The following ATG7 variants were observed in gnomAD, a reference collection of about 807,000 sequenced individuals.
ATG7 encodes the protein autophagy related 7.
Under a neutral mutation model 82.4 loss-of-function variants are expected in ATG7, and 70 were observed. That is an observed-to-expected ratio of 0.85 (90% CI 0.70 to 1.04). ATG7 has a LOEUF of 1.04. ATG7 is among the 50% of genes least tolerant of loss of function. The probability of loss-of-function intolerance (pLI) is 0.00; values close to 1 mark genes in which losing one functional copy is unlikely to be tolerated. For synonymous variants in ATG7, 287 were observed against 313.0 expected, an observed-to-expected ratio of 0.92 and a Z score of 0.88; for missense variants, 792 against 864.3, an observed-to-expected ratio of 0.92 and a Z score of 1.05.
chr3:11,332,959 G>A lies in ATG7; in HGVS notation c.768-13G>A, dbSNP rs780452112. 8.2e-6 allele frequency: 12 copies of A among 1,456,224 alleles called. No individual in the cohort carries two copies. Among genetic ancestry groups the A allele is most frequent in the Admixed American group, 8.1e-5 (3 of 36,936 alleles). The allele number at this position is 1,456,224 out of a possible 1,614,324, so 90.2% of individuals were successfully genotyped here. A position where few individuals can be genotyped will look rare whatever the true frequency, so the allele number is the denominator to read the frequency against. ...AAAATAATAAATAAATAAAAATCCG[G>A]GCATGACAACAGGAGTAGCAGTTTC... On this transcript the variant is annotated splice_polypyrimidine_tract_variant and intron_variant, in intron 10 of 20. Transcript: ENST00000693202.
At chr3:11,558,873 G>A, downstream of ATG7, 1 of 1,596,100 alleles carries the variant, frequency 6.3e-7, no homozygotes, top group Non-Finnish European at 8.6e-7. Flanking sequence ...GGTGGCTGCA[G>A]ACAGACAGGC....
chr3:11,441,807 C>T (rs1368037618), intron 20 of ATG7, among the ~76,000 whole-genome samples: 2 of 151,882 alleles, frequency 1.3e-5, no homozygotes, highest in Non-Finnish European at 2.9e-5. Flanking sequence ...TCTGGGACTA[C>T]AGGCGCCTGC....
intron 20 of ATG7, among the ~76,000 whole-genome samples, chr3:11,511,510 G>C (rs906317133): frequency 1.3e-5 from 2 of 152,230 alleles, no homozygotes; most frequent in African/African-American, 4.8e-5. Flanking sequence ...GTCCCCACCA[G>C]ACTCAGGAGC....
At chr3:11,391,966 G>GGGT (rs10662456) in intron 19 of ATG7, among the ~76,000 whole-genome samples, 4,200 of 138,450 alleles carry the variant, frequency 0.03, 193 homozygotes, top group African/African-American at 0.11. Context: ...ATTGGGGGGG[G>GGGT]GGTAATTTCA....
intron 20 of ATG7, among the ~76,000 whole-genome samples, chr3:11,533,742 A>G (rs1435728789): frequency 1.3e-5 from 2 of 152,176 alleles, no homozygotes; most frequent in East Asian, 3.8e-4. Context: ...GCCAAAATGT[A>G]GCCTTACATT....
Position 11,313,436 on chromosome 3 carries a change from C to A in ATG7, c.528+16C>A. On this transcript the variant is annotated intron_variant, in intron 8 of 20. Transcript: ENST00000693202. ...ACTAAAACAGGTATCAACAAATAACCAAAATGCACATAAAATTGGGTTGAA... is the reference window on the plus strand; with the variant it reads ...ACTAAAACAGGTATCAACAAATAACAAAAATGCACATAAAATTGGGTTGAA... 1 of 1,549,966 alleles carries A rather than the reference C, an allele frequency of 6.5e-7. No homozygotes were observed. Among genetic ancestry groups the A allele is most frequent in the Non-Finnish European group, 8.9e-7 (1 of 1,129,880 alleles).
intron 19 of ATG7, among the ~76,000 whole-genome samples, chr3:11,421,370 C>G (rs2081932398): frequency 6.6e-6 from 1 of 152,166 alleles, no homozygotes; most frequent in Non-Finnish European, 1.5e-5. Flanking sequence ...ACATGATGTT[C>G]TAAATCTTTA....
chr3:11,353,768 C>T lies in ATG7; in HGVS notation c.1285-4650C>T, dbSNP rs982572171. ...CACCTTTCACCATGAGTGGAAGCTT[C>T]CCTCATCAGAAGCAGATGCCAGCAC... On this transcript the variant is annotated intron_variant, in intron 14 of 20. Coordinates refer to ENST00000693202, the MANE Select transcript of ATG7 (RefSeq NM_001349232.2). 3.9e-5 allele frequency among the ~76,000 whole-genome samples: 6 copies of T among 152,204 alleles called. No individual in the cohort carries two copies. The South Asian group carries it at 6.2e-4, about 16-fold the overall frequency.
At chr3:11,401,038 C>T (rs2079789548) in intron 19 of ATG7, among the ~76,000 whole-genome samples, 1 of 152,138 alleles carries the variant, frequency 6.6e-6, no homozygotes, top group Admixed American at 6.5e-5. Flanking sequence ...ATGTTGTGCT[C>T]CTGTTTAGAT....
chr3:11,524,023 A>G (rs2124933257), intron 20 of ATG7, among the ~76,000 whole-genome samples: 1 of 152,376 alleles, frequency 6.6e-6, no homozygotes, highest in South Asian at 2.1e-4. Context: ...TTGAGTTGAA[A>G]GAACTGCTTT....
intron 20 of ATG7, among the ~76,000 whole-genome samples, chr3:11,469,988 CAAAAAAA>C (rs10628540): frequency 1.3e-3 from 110 of 87,530 alleles, no homozygotes; most frequent in East Asian, 2.4e-3. Context: ...GACTCCATCT[CAAAAAAA>C]AAAAAAAAAA....
At chr3:11,291,104 G>T (rs1378343523) in intron 3 of ATG7, among the ~76,000 whole-genome samples, 1 of 152,158 alleles carries the variant, frequency 6.6e-6, no homozygotes. Flanking sequence ...CCATCTTGAT[G>T]TCCTTAGCAG....
chr3:11,433,616 A>G (rs2083108461), intron 20 of ATG7, among the ~76,000 whole-genome samples: 1 of 152,108 alleles, frequency 6.6e-6, no homozygotes, highest in African/African-American at 2.4e-5. Flanking sequence ...CCTTTACCCA[A>G]TTTCCCTGAA....
chr3:11,517,946 G>A (rs2092330208), intron 20 of ATG7, among the ~76,000 whole-genome samples: 1 of 152,214 alleles, frequency 6.6e-6, no homozygotes, highest in African/African-American at 2.4e-5. Context: ...TGTGAGGGAT[G>A]GATTGGGGTG....
intron 20 of ATG7, among the ~76,000 whole-genome samples, chr3:11,511,180 C>T (rs947501227): frequency 6.6e-6 from 1 of 152,098 alleles, no homozygotes; most frequent in South Asian, 2.1e-4. Flanking sequence ...GGGACCTGAG[C>T]GGGTTGCCAA....
At chr3:11,566,215 TACAC>T in the ATG7 span, among the ~76,000 whole-genome samples, 11 of 151,956 alleles carry the variant, frequency 7.2e-5, no homozygotes, top group Admixed American at 5.9e-4. Flanking sequence ...CACTGAATGT[TACAC>T]ACACGCACAC....
At chr3:11,548,426 G>T in intron 20 of ATG7, among the ~76,000 whole-genome samples, 1 of 152,054 alleles carries the variant, frequency 6.6e-6, no homozygotes, top group South Asian at 2.1e-4. Context: ...GTTGTTGCTT[G>T]TATTTTTGGT....
rs186152406 is a variant in ATG7 at position 11,553,098 on chromosome 3, A to G, written c.2080-1713A>G. On this transcript the variant is annotated intron_variant, in intron 20 of 20. Coordinates refer to ENST00000693202, the MANE Select transcript of ATG7 (RefSeq NM_001349232.2). ...GAGGTCCCGGAGGACACGGCCCACA[A>G]TGCTCACCCTTTTCATTCTCCATCT... Among the ~76,000 whole-genome samples, 605 of 151,952 alleles carry G rather than the reference A, an allele frequency of 4.0e-3. 3 individuals are homozygous for G. Among genetic ancestry groups the G allele is most frequent in the Non-Finnish European group, 6.8e-3 (464 of 67,928 alleles).
Position 11,403,423 on chromosome 3 carries a change from T to C in ATG7, c.1956+23371T>C, listed in dbSNP as rs768284934. ...GGATTATGTCTAAAATGGTAATTGT[T>C]TCATCTTGTTTGTGTTCAGAGAAAA... is the stretch of plus-strand genomic sequence containing the variant. On this transcript the variant is annotated intron_variant, in intron 19 of 20. Coordinates refer to ENST00000693202, the MANE Select transcript of ATG7 (RefSeq NM_001349232.2). 3.2e-4 allele frequency among the ~76,000 whole-genome samples: 49 copies of C among 152,276 alleles called. 2 individuals are homozygous for C. The Middle Eastern group carries it at 0.02, about 63-fold the overall frequency.
Sources: allele counts gnomAD v4.1 joint callset (sites outside exome capture counted in the v4.1 genomes callset), GRCh38; gene constraint gnomAD v4.1.1; transcripts MANE v1.5; gene names NCBI Gene and HGNC (gene_info 2026-07-23, HGNC 2026-07-21).